The following BICD1 variants were observed in gnomAD, a reference collection of about 807,000 sequenced individuals.
The protein encoded by BICD1 is protein bicaudal D homolog 1.
In BICD1, 35 loss-of-function variants were observed where a neutral mutation model predicts 92.5. The ratio of observed to expected loss-of-function variants is 0.38; its 90% CI spans 0.29 to 0.50. The LOEUF (loss-of-function observed/expected upper bound fraction) is 0.50. Among genes scored for constraint, BICD1 ranks in the 20% least tolerant of loss-of-function variants. The pLI is 0.93. For synonymous variants in BICD1, 429 were observed against 465.1 expected (o/e 0.92, Z 1.00); for missense variants, 950 against 1,189.8 (o/e 0.80, Z 2.97).
At chr12:32,371,648 C>T (rs1178652782) in intron 9 of BICD1, among the ~76,000 whole-genome samples, 2 of 152,086 alleles carry the variant, frequency 1.3e-5, no homozygotes, top group African/African-American at 2.4e-5. Context: ...AGTGCAGTGG[C>T]GTGATCTTGG....
At chr12:32,290,535 C>A (rs1947697432) in intron 2 of BICD1, among the ~76,000 whole-genome samples, 2 of 152,192 alleles carry the variant, frequency 1.3e-5, no homozygotes, top group Non-Finnish European at 2.9e-5. Flanking sequence ...GCTAATGTCT[C>A]TTTTGGACCA....
chr12:32,338,936 G>A lies in BICD1; in HGVS notation c.2721G>A (p.Gly907=). Reference sequence around the variant, plus strand: ...CTTCCATGAGTGAATTCATCCAAGGGCACCGGCTCAGCAAGGAAAAAAGGT... The same window carrying A: ...CTTCCATGAGTGAATTCATCCAAGGACACCGGCTCAGCAAGGAAAAAAGGT... ...GPPSMSEFIQ[G]HRLSKEKRLT... is the part of the protein sequence containing the mutation. Residue 907 remains glycine (G), a synonymous_variant, in exon 8 of 10, where the codon GGG becomes GGA. Transcript: ENST00000652176. The A allele has an allele frequency of 6.2e-7, 1 of 1,607,090 alleles. No individual in the cohort carries two copies. The highest frequency in any genetic ancestry group is 8.5e-7 in the Non-Finnish European group (1 of 1,177,262).
intron 3 of BICD1, among the ~76,000 whole-genome samples, chr12:32,302,290 T>C (rs1469510623): frequency 6.6e-6 from 1 of 152,234 alleles, no homozygotes; most frequent in Non-Finnish European, 1.5e-5. Context: ...TTATAACGTG[T>C]TACAAGCCAA....
intron 1 of BICD1, among the ~76,000 whole-genome samples, chr12:32,113,850 C>T (rs577718535): frequency 1.3e-4 from 20 of 151,824 alleles, no homozygotes; most frequent in African/African-American, 4.8e-4. Flanking sequence ...GGTGGGACTA[C>T]AGGTGCCTGC....
intron 1 of BICD1, among the ~76,000 whole-genome samples, chr12:32,162,095 C>G (rs1943617615): frequency 6.6e-6 from 1 of 152,166 alleles, no homozygotes; most frequent in Non-Finnish European, 1.5e-5. Context: ...GAAGTGCCTT[C>G]GTGAGCAGGC....
At chr12:32,300,790 A>G (rs7974157) in intron 3 of BICD1, among the ~76,000 whole-genome samples, 25,287 of 150,804 alleles carry the variant, frequency 0.17, 2,727 homozygotes, top group African/African-American at 0.3. Flanking sequence ...GACTACAGGC[A>G]CCCACCACCA....
chr12:32,241,686 G>T (rs577695454), intron 2 of BICD1, among the ~76,000 whole-genome samples: 5 of 152,258 alleles, frequency 3.3e-5, no homozygotes, highest in Admixed American at 1.3e-4. Context: ...AATTCAACAA[G>T]AATTTTTATG....
intron 2 of BICD1, among the ~76,000 whole-genome samples, chr12:32,233,914 T>C (rs1945979805): frequency 6.6e-6 from 1 of 152,184 alleles, no homozygotes; most frequent in Non-Finnish European, 1.5e-5. Flanking sequence ...ATTTACAGAT[T>C]AATCTAAAAA....
At chr12:32,275,908 A>G (rs1265686934) in intron 2 of BICD1, among the ~76,000 whole-genome samples, 1 of 152,096 alleles carries the variant, frequency 6.6e-6, no homozygotes, top group Non-Finnish European at 1.5e-5. Context: ...CGCATGGCCC[A>G]AGATTCCATT....
At chr12:32,209,084 C>A (rs954068670) in intron 1 of BICD1, among the ~76,000 whole-genome samples, 14 of 152,070 alleles carry the variant, frequency 9.2e-5, no homozygotes, top group Non-Finnish European at 4.4e-5. Flanking sequence ...GCCTCCCAAA[C>A]TGCTGGGATT....
At chr12:32,220,188 G>A (rs1274743308) in intron 2 of BICD1, among the ~76,000 whole-genome samples, 1 of 152,150 alleles carries the variant, frequency 6.6e-6, no homozygotes, top group Non-Finnish European at 1.5e-5. Flanking sequence ...CATGGGCAAG[G>A]ACTTCATGTA....
intron 2 of BICD1, among the ~76,000 whole-genome samples, chr12:32,280,033 G>A (rs142699542): frequency 0.01 from 1,536 of 152,320 alleles, 18 homozygotes; most frequent in African/African-American, 0.032. Context: ...GGGAGGCGGA[G>A]GTTGCAGTGA....
At chr12:32,229,476 A>C (rs1945804932) in intron 2 of BICD1, among the ~76,000 whole-genome samples, 3 of 152,292 alleles carry the variant, frequency 2.0e-5, no homozygotes, top group East Asian at 1.9e-4. Context: ...GCTTTCTGAG[A>C]GCCAAATAAG....
intron 2 of BICD1, among the ~76,000 whole-genome samples, chr12:32,224,727 A>G (rs921034806): frequency 6.6e-6 from 1 of 152,078 alleles, no homozygotes. Flanking sequence ...ATTGAGATGG[A>G]GTCTTGCTCT....
Position 32,369,732 on chromosome 12 carries a change from T to C in BICD1, c.2840+1987T>C, listed in dbSNP as rs564148466. On this transcript the variant is annotated intron_variant, in intron 9 of 9. Transcript: ENST00000652176. Reference sequence around the variant, plus strand: ...CACAGGGAGACCTCCACCCCCGACCTCTACCAAATTTTTTTTTTTTTAAAT... The same window carrying C: ...CACAGGGAGACCTCCACCCCCGACCCCTACCAAATTTTTTTTTTTTTAAAT... Among the ~76,000 whole-genome samples, 13 of 141,928 alleles carry C rather than the reference T, an allele frequency of 9.2e-5. No homozygotes were observed. The South Asian group carries it at 1.3e-3, about 14-fold the overall frequency. The allele number at this position is 141,928 out of a possible 152,430, so 93.1% of individuals were successfully genotyped here.
At chr12:32,171,843 A>C (rs1367188444) in intron 1 of BICD1, among the ~76,000 whole-genome samples, 8 of 151,944 alleles carry the variant, frequency 5.3e-5, no homozygotes, top group South Asian at 2.1e-4. Context: ...CTGAGGCAGG[A>C]GAATTGCTTG....
In BICD1 at chr12:32,341,024, C is replaced by A. The variant is rs149300470; in HGVS notation, c.2764+2045C>A. Among the ~76,000 whole-genome samples the A allele has an allele frequency of 3.9e-5, 6 of 152,250 alleles. No homozygotes were observed. In the East Asian group the frequency reaches 1.2e-3, roughly 29 times the overall value. Reference sequence around the variant, plus strand: ...AGCCCATAAAACACTTTCCCTTTTTCCCACATTGGGAATCTTTCTGCTACT... The same window carrying A: ...AGCCCATAAAACACTTTCCCTTTTTACCACATTGGGAATCTTTCTGCTACT... On this transcript the variant is annotated intron_variant, in intron 8 of 9. Coordinates refer to ENST00000652176, the MANE Select transcript of BICD1 (RefSeq NM_001714.4).
rs1939222601 is a variant in BICD1, at chr12:32,358,999, A to G, written c.2765-8671A>G. Among the ~76,000 whole-genome samples, 4 of 152,150 alleles carry G rather than the reference A, an allele frequency of 2.6e-5. No individual in the cohort carries two copies. In the South Asian group the frequency reaches 8.3e-4, roughly 32 times the overall value. ...CTATTAATGAATAGTTTGAAAGAACATGGCCAGGTTTGCAGAAAGAAGAAA... is the reference window on the plus strand; with the variant it reads ...CTATTAATGAATAGTTTGAAAGAACGTGGCCAGGTTTGCAGAAAGAAGAAA... On this transcript the variant is annotated intron_variant, in intron 8 of 9. Coordinates refer to ENST00000652176, the MANE Select transcript of BICD1 (RefSeq NM_001714.4).
At position 32,327,670 on chromosome 12, in the gene BICD1, C is replaced by T. The variant is rs1360064080; in HGVS notation, c.1215C>T (p.Asp405=). The change falls in exon 5 of 10, where the codon GAC becomes GAT. Residue 405 remains aspartate (D), a synonymous_variant. Coordinates refer to ENST00000652176, the MANE Select transcript of BICD1 (RefSeq NM_001714.4). ...KGRDSGEEAH[D]YEVDINGLEI... The stretch of plus-strand genomic sequence containing the variant: ...GGGACTCAGGGGAGGAGGCCCATGA[C>T]TATGAGGTGGACATCAATGGTTTAG... 1 of 1,613,932 alleles carries T rather than the reference C, an allele frequency of 6.2e-7. No individual in the cohort carries two copies. Among genetic ancestry groups the T allele is most frequent in the African/African-American group, 1.3e-5 (1 of 74,914 alleles).
Sources: gnomAD v4.1 joint callset for allele counts (sites outside exome capture counted in the v4.1 genomes callset) on GRCh38, gnomAD v4.1.1 for gene constraint, MANE v1.5 for transcripts, NCBI Gene and HGNC (gene_info 2026-07-23, HGNC 2026-07-21) for gene names.